The following SUSD2 variants were observed in gnomAD, a reference collection of about 807,000 sequenced individuals.
The protein encoded by SUSD2 is sushi domain containing 2.
A neutral mutation model predicts 93.8 loss-of-function variants in SUSD2; 86 were observed. The observed-to-expected ratio is 0.92, with a 90% CI of 0.77 to 1.10. The LOEUF (loss-of-function observed/expected upper bound fraction) is 1.10. Among genes scored for constraint, SUSD2 ranks in the 50% least tolerant of loss-of-function variants. SUSD2 has a pLI of 0.00. For missense variants in SUSD2, 1,060 were observed against 1,137.0 expected (o/e 0.93, Z 0.97); for synonymous variants, 483 against 485.0 (o/e 1.00, Z 0.05).
At position 24,185,249 on chromosome 22, in the gene SUSD2, G is replaced by C; in HGVS notation, c.938G>C (p.Cys313Ser). Reference protein sequence around the residue: ...LPNFLEELPDCPCTLTQARAD... With the variant: ...LPNFLEELPDSPCTLTQARAD... ...AACTTCCTGGAGGAGCTGCCGGACT[G>C]CCCCTGCACCCTGACCCAGGCCCGG... The change falls in exon 6 of 15, where the codon TGC becomes TCC. Residue 313 changes from cysteine (C) to serine (S), a missense_variant. By Grantham distance (112) the Cys-to-Ser change is moderately radical. Coordinates refer to ENST00000358321, the MANE Select transcript of SUSD2 (RefSeq NM_019601.4). The C allele has an allele frequency of 6.2e-7, 1 of 1,607,270 alleles. No individual in the cohort carries two copies. Among genetic ancestry groups the C allele is most frequent in the Non-Finnish European group, 8.5e-7 (1 of 1,179,922 alleles).
chr22:24,184,961 A>G, intron 5 of SUSD2, 21 bp downstream of exon 5: 1 of 1,612,504 alleles, frequency 6.2e-7, no homozygotes, highest in Non-Finnish European at 8.5e-7. Flanking sequence ...ATGGATGTGC[A>G]GGTGATGGCT....
chr22:24,183,528 G>C lies in SUSD2; in HGVS notation c.321G>C (p.Val107=), dbSNP rs1369387231. 9 of 1,612,986 alleles carry C rather than the reference G, an allele frequency of 5.6e-6. No homozygotes were observed. In the East Asian group the frequency reaches 2.0e-4, roughly 36 times the overall value. Residue 107 remains valine (V), a synonymous_variant, in exon 3 of 15, where the codon GTG becomes GTC. Transcript: ENST00000358321. The part of the protein sequence containing the change: ...FKDSIQTLGH[V]DSSGQVHCVS... ...ACAGCATCCAGACCCTCGGCCATGT[G>C]GACTCCTCCGGGCAAGTGCACTGTG...
At chr22:24,183,905 C>G (rs1028898944) in intron 3 of SUSD2, 5 of 650,524 alleles carry the variant, frequency 7.7e-6, no homozygotes, top group Non-Finnish European at 1.3e-5. Context: ...CTCCGCCATG[C>G]CAGGGCAGGG....
At position 24,187,782 on chromosome 22, in the gene SUSD2, G is replaced by A. The variant is rs758529541; in HGVS notation, c.2103G>A (p.Thr701=). The A allele has an allele frequency of 1.5e-5, 24 of 1,613,810 alleles. No individual in the cohort carries two copies. The highest frequency in any genetic ancestry group is 8.9e-5 in the East Asian group (4 of 44,886). ...TGGCAGCCACTGGGAGCCTGAGCAC[G>A]GGCACTGCCACTCGGGTGGCCCACC... ...FDVAATGSLS[T]GTATRVAHQL... is the part of the protein sequence containing the mutation. Residue 701 remains threonine, a synonymous_variant, in exon 12 of 15, where the codon ACG becomes ACA. Transcript: ENST00000358321.
At chr22:24,184,434 A>G (rs887523180) in intron 4 of SUSD2, 131 bp downstream of exon 4, 31 of 999,198 alleles carry the variant, frequency 3.1e-5, no homozygotes, top group Non-Finnish European at 3.6e-5. Context: ...AATTCCAGGC[A>G]GAGATTGAGG....
At position 24,187,688 on chromosome 22, in the gene SUSD2, C is replaced by T. The variant is rs1167597007; in HGVS notation, c.2009C>T (p.Thr670Ile). The change falls in exon 12 of 15, where the codon ACC (threonine) becomes ATC (isoleucine). Residue 670 changes from threonine to isoleucine, a missense_variant. Physicochemically the swap from Thr to Ile is moderately conservative, Grantham distance 89. This residue lies in a region of SUSD2 where 973 missense variants were observed against 1,005.3 expected (regional missense o/e 0.97). Coordinates refer to ENST00000358321, the MANE Select transcript of SUSD2 (RefSeq NM_019601.4). Reference protein sequence around the residue: ...TFEPLFPSETTLNPSLAQEAA... With the variant: ...TFEPLFPSETILNPSLAQEAA... Reference sequence around the variant, plus strand: ...GAGCCCCTCTTCCCCAGTGAGACCACCCTCAACCCCAGCCTGGCACAAGAG... The same window carrying T: ...GAGCCCCTCTTCCCCAGTGAGACCATCCTCAACCCCAGCCTGGCACAAGAG... The T allele has an allele frequency of 1.2e-6, 2 of 1,614,134 alleles. No homozygotes were observed. The highest frequency in any genetic ancestry group is 2.2e-5 in the East Asian group (1 of 44,882).
rs1170742236 is a variant in SUSD2 at position 24,187,958 on chromosome 22, G to A, written c.2165-1G>A. On this transcript the variant is annotated splice_acceptor_variant, in intron 12 of 14. Coordinates refer to ENST00000358321, the MANE Select transcript of SUSD2 (RefSeq NM_019601.4). LOFTEE classifies it high-confidence loss of function. ...TTGTCTGCACTCTGTCCCCATCCCA[G>A]TGGTGTCCTGTGGCTGGCTGGCCCC... 1.2e-6 allele frequency: 2 copies of A among 1,612,634 alleles called. No homozygotes were observed. Among genetic ancestry groups the A allele is most frequent in the East Asian group, 2.2e-5 (1 of 44,884 alleles).
chr22:24,184,725 T>G (rs752598206), intron 4 of SUSD2, 41 bp from the exon 5 acceptor site: 2 of 1,519,286 alleles, frequency 1.3e-6, no homozygotes, highest in Admixed American at 4.2e-5. Context: ...GGGCCAGGCC[T>G]CGAAGGAACC....
At chr22:24,183,387 CA>C in intron 2 of SUSD2, 107 bp from the exon 3 acceptor site, 1 of 1,530,480 alleles carries the variant, frequency 6.5e-7, no homozygotes, top group Non-Finnish European at 8.9e-7. Flanking sequence ...GGCAGGAGGG[CA>C]CAGGGACAGC....
chr22:24,187,316 A>C lies in SUSD2; in HGVS notation c.1757A>C (p.Glu586Ala), dbSNP rs1318104922. The change falls in exon 11 of 15, where the codon GAG (glutamate) becomes GCG (alanine). Residue 586 changes from glutamate to alanine, a missense_variant. By Grantham distance (107) the Glu-to-Ala change is moderately radical. Transcript: ENST00000358321. ...CTGAGTGTGTCCGTCCTGCTGCCTG[A>C]GAAGTTCCTCACCCACACCCACGGC... ...PFLSVSVLLP[E>A]KFLTHTHGLL... The C allele has an allele frequency of 6.2e-7, 1 of 1,613,918 alleles. No homozygotes were observed. Among genetic ancestry groups the C allele is most frequent in the East Asian group, 2.2e-5 (1 of 44,880 alleles).
In SUSD2 at chr22:24,188,740, G is replaced by A. The variant is rs1398854540; in HGVS notation, c.*304G>A. ...TGAGCCCTGACACTCCCACACCTGA[G>A]CCTCAGATTCCAATAGCTCACTCCC... On this transcript the variant is annotated 3_prime_UTR_variant, in exon 15 of 15. Transcript: ENST00000358321. The surrounding 1 kb of genome is among the most constrained non-coding windows in gnomAD (Gnocchi z 4.7). 6 of 348,378 alleles carry A rather than the reference G, an allele frequency of 1.7e-5. No homozygotes were observed. The East Asian group carries it at 3.1e-4, about 18-fold the overall frequency. The allele number at this position is 348,378 out of a possible 1,614,324, so 21.6% of individuals were successfully genotyped here. A position where few individuals can be genotyped will look rare whatever the true frequency, so the allele number is the denominator to read the frequency against.
In SUSD2 at chr22:24,185,298, G is replaced by T. The variant is rs1223880086; in HGVS notation, c.984+3G>T. ...GGGCTGACTCCGGCCGCTTCTTCGT[G>T]AGCCTCCCATCAGGGCCCAGGAGAG... On this transcript the variant is annotated splice_donor_region_variant and intron_variant, in intron 6 of 14. Coordinates refer to ENST00000358321, the MANE Select transcript of SUSD2 (RefSeq NM_019601.4). The T allele has an allele frequency of 3.7e-6, 6 of 1,602,670 alleles. No homozygotes were observed. The East Asian group carries it at 1.3e-4, about 36-fold the overall frequency.
At chr22:24,184,395 G>C in intron 4 of SUSD2, 92 bp downstream of exon 4, 1 of 1,366,964 alleles carries the variant, frequency 7.3e-7, no homozygotes, top group Non-Finnish European at 1.0e-6. Context: ...GAGGAAGGGA[G>C]TTTCCAGGTG....
rs1433827418 is a variant in SUSD2, at chr22:24,188,709, A to G, written c.*273A>G. 5 of 464,866 alleles carry G rather than the reference A, an allele frequency of 1.1e-5. No individual in the cohort carries two copies. Among genetic ancestry groups the G allele is most frequent in the African/African-American group, 2.0e-5 (1 of 50,934 alleles). The allele number at this position is 464,866 out of a possible 1,614,324, so 28.8% of individuals were successfully genotyped here. ...TTCATACCCTGGGATTCTAATACCT[A>G]TGTCCTGAGCCCTGACACTCCCACA... is the stretch of plus-strand genomic sequence containing the variant. On this transcript the variant is annotated 3_prime_UTR_variant, in exon 15 of 15. Coordinates refer to ENST00000358321, the MANE Select transcript of SUSD2 (RefSeq NM_019601.4). This position sits in a 1 kb window ranked among gnomAD's most constrained non-coding sequence, Gnocchi z 4.7.
chr22:24,184,522 A>T (rs1460070749), intron 4 of SUSD2, among the ~76,000 whole-genome samples: 1 of 151,868 alleles, frequency 6.6e-6, no homozygotes, highest in Non-Finnish European at 1.5e-5. Context: ...GCTCCAGGGG[A>T]GGAGGCTCAT....
intron 4 of SUSD2, 85 bp from the exon 5 acceptor site, chr22:24,184,681 C>T (rs778627511): frequency 1.1e-4 from 128 of 1,172,828 alleles, no homozygotes; most frequent in Non-Finnish European, 1.5e-4. Context: ...GTCCATCCAC[C>T]CATCTGTCAG....
At chr22:24,184,666 T>A in intron 4 of SUSD2, 100 bp from the exon 5 acceptor site, 3 of 999,746 alleles carry the variant, frequency 3.0e-6, no homozygotes, top group Non-Finnish European at 4.5e-6. Context: ...GGGGACCGCC[T>A]GGCGGTCCAT....
Position 24,188,356 on chromosome 22 carries a change from C to T in SUSD2, c.2444+29C>T, listed in dbSNP as rs773617388. 1.4e-5 allele frequency: 23 copies of T among 1,610,468 alleles called. No homozygotes were observed. Among genetic ancestry groups the T allele is most frequent in the Non-Finnish European group, 1.9e-5 (22 of 1,179,554 alleles). ...AGACCCCCCAGCCCCTCTCCCAAGACCCCGAGACAGCCGGTGGGACCACCG... is the reference window on the plus strand; with the variant it reads ...AGACCCCCCAGCCCCTCTCCCAAGATCCCGAGACAGCCGGTGGGACCACCG... On this transcript the variant is annotated intron_variant, in intron 14 of 14. Transcript: ENST00000358321. The surrounding 1 kb of genome is among the most constrained non-coding windows in gnomAD (Gnocchi z 4.7).
rs1339929720 is a variant in SUSD2 at position 24,187,227 on chromosome 22, G to T, written c.1668G>T (p.Gly556=). The change falls in exon 11 of 15, where the codon GGG becomes GGT. Residue 556 remains glycine (G), a synonymous_variant. Coordinates refer to ENST00000358321, the MANE Select transcript of SUSD2 (RefSeq NM_019601.4). ...LKGMFLSVAA[G]DRVSIMLASG... is the part of the protein sequence containing the mutation. ...GAATGTTCCTGTCGGTGGCTGCCGG[G>T]GACAGGGTCTCCATCATGCTGGCAT... 6.2e-7 allele frequency: 1 copy of T among 1,613,310 alleles called. No individual in the cohort carries two copies. Among genetic ancestry groups the T allele is most frequent in the East Asian group, 2.2e-5 (1 of 44,874 alleles).
Sources: gnomAD v4.1 joint callset for allele counts (sites outside exome capture counted in the v4.1 genomes callset) on GRCh38, gnomAD v4.1.1 for gene constraint, gnomAD v4.1.1 regional missense constraint, Gnocchi (gnomAD v3.1) non-coding constraint, MANE v1.5 for transcripts, NCBI Gene and HGNC (gene_info 2026-07-23, HGNC 2026-07-21) for gene names.